TRIO: variants seen among roughly 807,000 people sequenced by gnomAD.
TRIO encodes triple functional domain protein.
TRIO carries 58 observed loss-of-function variants against 351.9 expected under a neutral mutation model. The ratio of observed to expected loss-of-function variants is 0.16; its 90% CI spans 0.13 to 0.21. The LOEUF (loss-of-function observed/expected upper bound fraction) is 0.21, where lower values mean the gene tolerates loss of function less well. Among genes scored for constraint, TRIO ranks in the 10% least tolerant of loss-of-function variants. The probability of loss-of-function intolerance (pLI) is 1.00; values close to 1 mark genes in which losing one functional copy is unlikely to be tolerated. For synonymous variants in TRIO, 1,758 were observed against 1,595.7 expected (o/e 1.10, Z -2.42); for missense variants, 3,201 against 4,027.8 (o/e 0.79, Z 5.56).
Position 14,479,990 on chromosome 5 carries a change from G to A in TRIO, c.6315G>A (p.Met2105Ile), listed in dbSNP as rs771827238. 1.2e-6 allele frequency: 2 copies of A among 1,614,168 alleles called. No homozygotes were observed. Among genetic ancestry groups the A allele is most frequent in the African/African-American group, 1.3e-5 (1 of 75,060 alleles). ...DLLIKPVQRI[M>I]KYQLLLKDFL... ...TGATCAAACCAGTGCAGAGAATCAT[G>A]AAGTATCAGCTGTTACTGAAGGTGA... The change falls in exon 43 of 57, where the codon ATG (methionine) becomes ATA (isoleucine). Residue 2105 changes from methionine to isoleucine, a missense_variant. Physicochemically the swap from Met to Ile is conservative, Grantham distance 10. Coordinates refer to ENST00000344204, the MANE Select transcript of TRIO (RefSeq NM_007118.4).
chr5:14,212,918 A>G (rs1005114345), intron 1 of TRIO, among the ~76,000 whole-genome samples: 1 of 152,300 alleles, frequency 6.6e-6, no homozygotes, highest in African/African-American at 2.4e-5. Context: ...TACTTTCTTC[A>G]TGTTTGCCTG....
chr5:14,419,413 C>G (rs1031860926), intron 33 of TRIO, among the ~76,000 whole-genome samples: 1 of 152,130 alleles, frequency 6.6e-6, no homozygotes, highest in African/African-American at 2.4e-5. Context: ...ATGGAACGCC[C>G]AACACTGGGT....
At chr5:14,156,608 T>A (rs1788115255) in intron 1 of TRIO, among the ~76,000 whole-genome samples, 1 of 152,142 alleles carries the variant, frequency 6.6e-6, no homozygotes, top group African/African-American at 2.4e-5. Flanking sequence ...TCTCTGACAG[T>A]GAAAAACCTG....
chr5:14,480,389 A>C (rs10063075), intron 43 of TRIO, among the ~76,000 whole-genome samples: 3,750 of 152,330 alleles, frequency 0.025, 140 homozygotes, highest in African/African-American at 0.086. Context: ...ATATCAGTAA[A>C]AGTGAATTTT....
intron 9 of TRIO, among the ~76,000 whole-genome samples, chr5:14,328,031 T>C (rs1357820134): frequency 6.6e-6 from 1 of 152,242 alleles, no homozygotes; most frequent in Non-Finnish European, 1.5e-5. Flanking sequence ...AATAATGTAC[T>C]AAATACATGA....
intron 1 of TRIO, among the ~76,000 whole-genome samples, chr5:14,268,956 G>A (rs1795842303): frequency 6.6e-6 from 1 of 152,180 alleles, no homozygotes; most frequent in Non-Finnish European, 1.5e-5. Flanking sequence ...AGTTTTGAAG[G>A]AACCTGAGGA....
chr5:14,287,550 T>TA (rs1425598573), intron 4 of TRIO, among the ~76,000 whole-genome samples: 1 of 152,174 alleles, frequency 6.6e-6, no homozygotes, highest in Non-Finnish European at 1.5e-5. Flanking sequence ...GATAGTGTGT[T>TA]AAAAACTGTG....
intron 1 of TRIO, among the ~76,000 whole-genome samples, chr5:14,219,974 ATT>A (rs34731809): frequency 1.2e-4 from 16 of 129,322 alleles, no homozygotes; most frequent in East Asian, 2.2e-4. Flanking sequence ...ATGTACAGGC[ATT>A]TTTTTTTTTT....
intron 1 of TRIO, among the ~76,000 whole-genome samples, chr5:14,184,810 G>C (rs1483268964): frequency 6.6e-6 from 1 of 152,148 alleles, no homozygotes; most frequent in Non-Finnish European, 1.5e-5. Flanking sequence ...CGGTTGCGGG[G>C]TTGGTGCCCT....
chr5:14,390,268 C>A lies in TRIO; in HGVS notation c.4096C>A (p.Pro1366Thr). Reference protein sequence around the residue: ...LKELEKYEQLPEDVGHCFVTW... With the variant: ...LKELEKYEQLTEDVGHCFVTW... ...GGAGCTGGAAAAATATGAACAGTTG[C>A]CAGAGGATGTTGGACATTGTTTTGT... Residue 1366 changes from proline to threonine, a missense_variant, in exon 26 of 57, where the codon CCA becomes ACA. Pro to Thr is a conservative substitution (Grantham distance 38). Coordinates refer to ENST00000344204, the MANE Select transcript of TRIO (RefSeq NM_007118.4). 1 of 1,614,010 alleles carries A rather than the reference C, an allele frequency of 6.2e-7. No homozygotes were observed. The highest frequency in any genetic ancestry group is 8.5e-7 in the Non-Finnish European group (1 of 1,179,996).
At chr5:14,465,437 C>T (rs1754179367) in intron 36 of TRIO, 108 bp from the exon 37 acceptor site, 2 of 1,048,542 alleles carry the variant, frequency 1.9e-6, no homozygotes, top group South Asian at 1.4e-5. Context: ...GTCTTTTTGT[C>T]TGGAATTACT....
At chr5:14,171,390 G>C (rs1290309956) in intron 1 of TRIO, among the ~76,000 whole-genome samples, 5 of 152,184 alleles carry the variant, frequency 3.3e-5, no homozygotes, top group Non-Finnish European at 5.9e-5. Context: ...ACGTTTTTCA[G>C]TGTTTGAAAG....
At chr5:14,491,504 G>A (rs1448312165) in intron 48 of TRIO, among the ~76,000 whole-genome samples, 6 of 152,204 alleles carry the variant, frequency 3.9e-5, no homozygotes, top group Non-Finnish European at 8.8e-5. Context: ...GCAAGATGCA[G>A]CTTCAGGCGT....
chr5:14,214,558 A>G (rs939382151), intron 1 of TRIO, among the ~76,000 whole-genome samples: 1 of 152,240 alleles, frequency 6.6e-6, no homozygotes, highest in African/African-American at 2.4e-5. Flanking sequence ...AAAATCTGTT[A>G]TTTAAAATCT....
At chr5:14,473,435 C>T (rs1754828176) in intron 39 of TRIO, among the ~76,000 whole-genome samples, 2 of 152,128 alleles carry the variant, frequency 1.3e-5, no homozygotes, top group South Asian at 4.1e-4. Flanking sequence ...GATTTATCTG[C>T]AGTCATTGTT....
chr5:14,498,648 C>A lies in TRIO; in HGVS notation c.8332+8C>A. On this transcript the variant is annotated splice_region_variant and intron_variant, in intron 53 of 56. Transcript: ENST00000344204. The stretch of plus-strand genomic sequence containing the variant: ...CCAGCCTGAGGGTCCTAGGTAAGCA[C>A]CGTGCAACGAGGATTCTACGTGACC... 3 of 1,612,114 alleles carry A rather than the reference C, an allele frequency of 1.9e-6. No homozygotes were observed. The highest frequency in any genetic ancestry group is 2.5e-6 in the Non-Finnish European group (3 of 1,178,242).
chr5:14,382,318 TG>T (rs780984871), intron 21 of TRIO, among the ~76,000 whole-genome samples: 62 of 152,348 alleles, frequency 4.1e-4, no homozygotes, highest in South Asian at 1.0e-3. Flanking sequence ...TCCATGTTTA[TG>T]TTTTCTGTTA....
In TRIO at chr5:14,442,637, G is replaced by C. The variant is rs1276662862; in HGVS notation, c.5204-18382G>C. On this transcript the variant is annotated intron_variant, in intron 34 of 56. Coordinates refer to ENST00000344204, the MANE Select transcript of TRIO (RefSeq NM_007118.4). Reference sequence around the variant, plus strand: ...TATGCTAATTGTTTTACCACTCGAAGATGGTGACCTCCCTGTCTGCAGGTG... The same window carrying C: ...TATGCTAATTGTTTTACCACTCGAACATGGTGACCTCCCTGTCTGCAGGTG... 2.0e-5 allele frequency among the ~76,000 whole-genome samples: 3 copies of C among 152,214 alleles called. No individual in the cohort carries two copies. The South Asian group carries it at 6.2e-4, about 32-fold the overall frequency.
intron 36 of TRIO, among the ~76,000 whole-genome samples, chr5:14,463,829 G>A (rs1319894904): frequency 6.6e-6 from 1 of 152,026 alleles, no homozygotes; most frequent in Admixed American, 6.5e-5. Flanking sequence ...TTACGACATG[G>A]GATTGGCCTC....
Sources: gnomAD v4.1 joint callset for allele counts (sites outside exome capture counted in the v4.1 genomes callset) on GRCh38, gnomAD v4.1.1 for gene constraint, MANE v1.5 for transcripts, NCBI Gene and HGNC (gene_info 2026-07-23, HGNC 2026-07-21) for gene names.